The following TSPAN9 variants were observed in gnomAD, a reference collection of about 807,000 sequenced individuals.
TSPAN9 encodes the protein tetraspanin 9.
TSPAN9 carries 16 observed loss-of-function variants against 31.0 expected under a neutral mutation model. The observed-to-expected ratio is 0.52, with a 90% confidence interval of 0.35 to 0.78. The LOEUF is 0.78. Among genes scored for constraint, TSPAN9 ranks in the 30% least tolerant of loss-of-function variants. TSPAN9 has a pLI of 0.01. For missense variants in TSPAN9, 272 were observed against 312.5 expected (o/e 0.87, Z 0.98); for synonymous variants, 145 against 121.6 (o/e 1.19, Z -1.27).
intron 3 of TSPAN9, among the ~76,000 whole-genome samples, chr12:3,227,444 A>C (rs2098388435): frequency 1.3e-5 from 2 of 152,206 alleles, no homozygotes; most frequent in African/African-American, 4.8e-5. Context: ...CCTCTGAGAC[A>C]CTAAGGTCAG....
intron 3 of TSPAN9, among the ~76,000 whole-genome samples, chr12:3,204,034 G>C (rs971436486): frequency 2.6e-5 from 4 of 152,296 alleles, no homozygotes; most frequent in South Asian, 4.1e-4. Context: ...TCTTGTGCAG[G>C]GGGGCAGGGG....
intron 2 of TSPAN9, among the ~76,000 whole-genome samples, chr12:3,155,919 G>A (rs2098342030): frequency 6.6e-6 from 1 of 152,184 alleles, no homozygotes; most frequent in Non-Finnish European, 1.5e-5. Flanking sequence ...AACTCTTCAG[G>A]ACGCCGAAAG....
At chr12:3,088,360 C>T (rs903592964) in intron 2 of TSPAN9, among the ~76,000 whole-genome samples, 4 of 151,998 alleles carry the variant, frequency 2.6e-5, no homozygotes, top group South Asian at 2.1e-4. Flanking sequence ...GACCTGGAGG[C>T]GCTTACAGCA....
rs1407047508 is a variant in TSPAN9 at position 3,188,991 on chromosome 12, G to A, written c.-17-12186G>A. On this transcript the variant is annotated intron_variant, in intron 2 of 8. Coordinates refer to ENST00000011898, the MANE Select transcript of TSPAN9 (RefSeq NM_006675.5). ...GTGCACCATGTATGGGGCTGCGCTG[G>A]TTGCCGCAGAGGAGCGCGGGTGAGC... is the stretch of plus-strand genomic sequence containing the variant. Among the ~76,000 whole-genome samples the A allele has an allele frequency of 4.6e-5, 7 of 152,214 alleles. No individual in the cohort carries two copies. The East Asian group carries it at 1.3e-3, about 29-fold the overall frequency.
At chr12:3,159,315 C>T (rs1739235447) in intron 2 of TSPAN9, among the ~76,000 whole-genome samples, 2 of 151,712 alleles carry the variant, frequency 1.3e-5, no homozygotes, top group East Asian at 1.9e-4. Context: ...CTCAGTTCCC[C>T]ATCTGTAATA....
At chr12:3,219,827 G>A (rs1301925759) in intron 3 of TSPAN9, among the ~76,000 whole-genome samples, 1 of 141,234 alleles carries the variant, frequency 7.1e-6, no homozygotes, top group Non-Finnish European at 1.5e-5. Context: ...TTCTGCACAT[G>A]TGTCCCAGAA....
chr12:3,156,247 G>A (rs2098342216), intron 2 of TSPAN9, among the ~76,000 whole-genome samples: 1 of 152,160 alleles, frequency 6.6e-6, no homozygotes. Context: ...GACCCGGAAG[G>A]TTGTGCAGGG....
At chr12:3,161,688 G>T (rs1432266384) in intron 2 of TSPAN9, among the ~76,000 whole-genome samples, 2 of 152,150 alleles carry the variant, frequency 1.3e-5, no homozygotes, top group African/African-American at 2.4e-5. Flanking sequence ...GTACAATTCT[G>T]TGTGTGTGTA....
At chr12:3,114,010 T>C (rs988052407) in intron 2 of TSPAN9, among the ~76,000 whole-genome samples, 1 of 152,212 alleles carries the variant, frequency 6.6e-6, no homozygotes, top group African/African-American at 2.4e-5. Flanking sequence ...AGACCCTGAC[T>C]GTCATCCTCA....
At chr12:3,123,804 A>G (rs2098326199) in intron 2 of TSPAN9, among the ~76,000 whole-genome samples, 2 of 152,174 alleles carry the variant, frequency 1.3e-5, no homozygotes, top group African/African-American at 2.4e-5. Context: ...AGCTTGCCCA[A>G]GGTCTCAGAT....
At chr12:3,200,591 TG>T (rs2098370956) in intron 2 of TSPAN9, 1 of 152,344 alleles carries the variant, frequency 6.6e-6, no homozygotes, top group African/African-American at 2.4e-5. Context: ...AGAGGCGAGC[TG>T]ACGGCCTGGA....
intron 3 of TSPAN9, among the ~76,000 whole-genome samples, chr12:3,211,379 A>G (rs1256821197): frequency 1.3e-5 from 2 of 152,152 alleles, no homozygotes; most frequent in Non-Finnish European, 1.5e-5. Context: ...ACTTTATAAT[A>G]AGTCTCAATA....
chr12:3,216,709 C>T (rs1459267503), intron 3 of TSPAN9, among the ~76,000 whole-genome samples: 1 of 152,252 alleles, frequency 6.6e-6, no homozygotes, highest in Non-Finnish European at 1.5e-5. Context: ...TTCTGGCTTC[C>T]AGATTCAGCC....
Position 3,157,240 on chromosome 12 carries a change from C to CG in TSPAN9, c.-17-43934dup, listed in dbSNP as rs199850906. Among the ~76,000 whole-genome samples the CG allele has an allele frequency of 3.8e-4, 58 of 152,146 alleles. No homozygotes were observed. In the East Asian group the frequency reaches 0.011, roughly 28 times the overall value. On this transcript the variant is annotated intron_variant, in intron 2 of 8. Transcript: ENST00000011898. ...TCAGCCTCCCGAGTAGCTGGGACTA[C>CG]GGGTGCCCGCCACCATGCCCGGCTA...
At chr12:3,093,312 A>G (rs933909291) in intron 2 of TSPAN9, among the ~76,000 whole-genome samples, 1 of 152,166 alleles carries the variant, frequency 6.6e-6, no homozygotes, top group South Asian at 2.1e-4. Flanking sequence ...CGTGGGGGGC[A>G]GTAGGGATCT....
intron 2 of TSPAN9, among the ~76,000 whole-genome samples, chr12:3,158,877 G>T (rs970138401): frequency 6.6e-6 from 1 of 151,842 alleles, no homozygotes; most frequent in Non-Finnish European, 1.5e-5. Flanking sequence ...CACAGTCTTC[G>T]CGGATTAGCT....
chr12:3,111,756 G>T (rs2098318873), intron 2 of TSPAN9, among the ~76,000 whole-genome samples: 1 of 151,916 alleles, frequency 6.6e-6, no homozygotes. Flanking sequence ...TGGAATTACA[G>T]GTGTAATTCC....
intron 2 of TSPAN9, among the ~76,000 whole-genome samples, chr12:3,091,913 A>T (rs553738074): frequency 1.6e-4 from 24 of 152,276 alleles, no homozygotes; most frequent in African/African-American, 5.3e-4. Context: ...GGGAGCTCCC[A>T]GTGCCTCTGG....
At chr12:3,249,706 A>C (rs1862212053) in intron 3 of TSPAN9, among the ~76,000 whole-genome samples, 1 of 152,190 alleles carries the variant, frequency 6.6e-6, no homozygotes, top group African/African-American at 2.4e-5. Flanking sequence ...TCTCCACATC[A>C]TCCCTCCAGG....
Sources: allele counts gnomAD v4.1 joint callset (sites outside exome capture counted in the v4.1 genomes callset), GRCh38; gene constraint gnomAD v4.1.1; transcripts MANE v1.5; gene names NCBI Gene and HGNC (gene_info 2026-07-23, HGNC 2026-07-21).